The following DPH6 variants were observed in gnomAD, a reference collection of about 807,000 sequenced individuals.
The protein encoded by DPH6 is diphthamine biosynthesis 6.
Under a neutral mutation model 38.2 loss-of-function variants are expected in DPH6, and 33 were observed. The observed-to-expected ratio is 0.86, with a 90% CI of 0.65 to 1.15. DPH6 has a LOEUF of 1.15. Among genes scored for constraint, DPH6 ranks in the 50% most tolerant of loss-of-function variants. The pLI is 0.00. For missense variants in DPH6, 325 were observed against 320.0 expected (o/e 1.02, Z -0.12); for synonymous variants, 108 against 103.0 (o/e 1.05, Z -0.30).
At chr15:35,154,018 CAG>C in the DPH6 span, among the ~76,000 whole-genome samples, 4 of 152,030 alleles carry the variant, frequency 2.6e-5, no homozygotes, top group East Asian at 1.9e-4. Flanking sequence ...CCTAGATCTC[CAG>C]AGAGAGGAAG....
At chr15:35,219,389 C>T (rs933810003) in exon 4 of DPH6, 19 of 152,046 alleles carry the variant, frequency 1.2e-4, no homozygotes, top group Non-Finnish European at 7.4e-5. Context: ...TTGGCTCAGA[C>T]GATACTTTTG....
chr15:35,244,122 A>T (rs1404740940), intron 3 of DPH6, among the ~76,000 whole-genome samples: 1 of 152,154 alleles, frequency 6.6e-6, no homozygotes. Flanking sequence ...ACAAATGTCA[A>T]TTTTTTATGC....
intron 4 of DPH6, among the ~76,000 whole-genome samples, chr15:35,451,162 A>G (rs2053928081): frequency 6.6e-6 from 1 of 152,204 alleles, no homozygotes; most frequent in Admixed American, 6.5e-5. Flanking sequence ...CCAATAATTT[A>G]TCCTAATAAA....
downstream of DPH6, among the ~76,000 whole-genome samples, chr15:35,366,311 G>A (rs2052659417): frequency 6.7e-6 from 1 of 150,124 alleles, no homozygotes; most frequent in Non-Finnish European, 1.5e-5. Flanking sequence ...CTTAACTATA[G>A]GATCAACTAG....
At chr15:35,441,817 ATG>A (rs2053792483) in intron 5 of DPH6, among the ~76,000 whole-genome samples, 1 of 151,176 alleles carries the variant, frequency 6.6e-6, no homozygotes, top group Admixed American at 6.6e-5. Context: ...AATAAAAAAA[ATG>A]ATGAGCTCAT....
chr15:35,212,733 A>T (rs2051394330), downstream of DPH6, among the ~76,000 whole-genome samples: 1 of 152,224 alleles, frequency 6.6e-6, no homozygotes, highest in South Asian at 2.1e-4. Context: ...AAAACTGAGT[A>T]TTGTACTTCC....
At chr15:35,283,288 T>TTCC (rs201491743) in intron 3 of DPH6, among the ~76,000 whole-genome samples, 4,543 of 150,466 alleles carry the variant, frequency 0.03, 199 homozygotes, top group African/African-American at 0.1. Context: ...CCTCTTCTTC[T>TTCC]TCCTCCTCCT....
At chr15:35,386,425 C>T (rs2052958938) in intron 6 of DPH6, among the ~76,000 whole-genome samples, 1 of 152,166 alleles carries the variant, frequency 6.6e-6, no homozygotes, top group South Asian at 2.1e-4. Context: ...GTCGCCACAC[C>T]AACTTCCACA....
the DPH6 span, among the ~76,000 whole-genome samples, chr15:35,166,784 A>G: frequency 2.6e-5 from 4 of 152,116 alleles, no homozygotes; most frequent in East Asian, 7.7e-4. Flanking sequence ...AATTCTTTCC[A>G]AAGGAGATCC....
At chr15:35,160,006 C>T in the DPH6 span, among the ~76,000 whole-genome samples, 9 of 151,918 alleles carry the variant, frequency 5.9e-5, no homozygotes, top group South Asian at 4.2e-4. Flanking sequence ...TGAGTATACA[C>T]GGACACAAAG....
Position 35,454,819 on chromosome 15 carries a change from T to C in DPH6, c.314A>G (p.Glu105Gly). 1 of 1,594,858 alleles carries C rather than the reference T, an allele frequency of 6.3e-7. No individual in the cohort carries two copies. The highest frequency in any genetic ancestry group is 1.2e-5 in the South Asian group (1 of 85,268). ...DLYELLKLVKEKEEVEGISVG... is the reference protein window; with the variant it reads ...DLYELLKLVKGKEEVEGISVG... The stretch of plus-strand genomic sequence containing the variant: ...TGATATCCCCTCTACTTCTTCTTTT[T>C]CCTGAAAATAAAGAAAAAAACCATA... The change falls in exon 4 of 9, where the codon GAA becomes GGA. Residue 105 changes from glutamate to glycine, a missense_variant and splice_region_variant. Transcript: ENST00000256538.
chr15:35,441,498 G>A (rs189575326), intron 5 of DPH6, among the ~76,000 whole-genome samples: 3,436 of 152,186 alleles, frequency 0.023, 59 homozygotes, highest in Middle Eastern at 0.044. Flanking sequence ...GGATGAGTTC[G>A]TCGCCTTTGC....
At chr15:35,160,788 T>A in the DPH6 span, among the ~76,000 whole-genome samples, 18 of 151,962 alleles carry the variant, frequency 1.2e-4, no homozygotes, top group Non-Finnish European at 2.6e-4. Context: ...ATCAATGGCA[T>A]TTGATGCAAT....
downstream of DPH6, among the ~76,000 whole-genome samples, chr15:35,215,669 G>A (rs140122392): frequency 5.9e-5 from 9 of 152,302 alleles, no homozygotes; most frequent in East Asian, 1.4e-3. Flanking sequence ...ACTACACCCA[G>A]CTGAAAATCT....
chr15:35,388,829 G>A (rs1163312499), intron 6 of DPH6, among the ~76,000 whole-genome samples: 1 of 152,052 alleles, frequency 6.6e-6, no homozygotes, highest in Non-Finnish European at 1.5e-5. Context: ...GGTTTTTTGT[G>A]TCTCTATTTC....
intron 3 of DPH6, among the ~76,000 whole-genome samples, chr15:35,467,496 G>T (rs1365919090): frequency 1.3e-5 from 2 of 152,192 alleles, no homozygotes; most frequent in Non-Finnish European, 1.5e-5. Context: ...AACCTGGGAG[G>T]CGGAGGTTGC....
chr15:35,397,868 T>TATATACACACACAC (rs752473433), intron 6 of DPH6, among the ~76,000 whole-genome samples: 27 of 87,306 alleles, frequency 3.1e-4, no homozygotes, highest in African/African-American at 9.6e-4. Context: ...TTTATATATA[T>TATATACACACACAC]ACACACACAC....
intron 5 of DPH6, among the ~76,000 whole-genome samples, chr15:35,436,537 G>C (rs956399096): frequency 7.8e-6 from 1 of 127,604 alleles, no homozygotes; most frequent in Non-Finnish European, 1.7e-5. Flanking sequence ...CTCCCTGTTC[G>C]TCACTGCACT....
intron 3 of DPH6, among the ~76,000 whole-genome samples, chr15:35,458,252 C>A (rs568218864): frequency 6.6e-6 from 1 of 152,052 alleles, no homozygotes; most frequent in Non-Finnish European, 1.5e-5. Context: ...TGGATAAAAA[C>A]CTAACTCTTT....
Sources: allele counts gnomAD v4.1 joint callset (sites outside exome capture counted in the v4.1 genomes callset), GRCh38; gene constraint gnomAD v4.1.1; transcripts MANE v1.5; gene names NCBI Gene and HGNC (gene_info 2026-07-23, HGNC 2026-07-21).